COA1: variants seen among roughly 807,000 people sequenced by gnomAD.
COA1 encodes cytochrome c oxidase assembly factor 1.
COA1 carries 13 observed loss-of-function variants against 16.0 expected under a neutral mutation model. The observed-to-expected ratio is 0.81, with a 90% CI of 0.53 to 1.29. COA1 has a LOEUF of 1.29. Among genes scored for constraint, COA1 ranks in the 50% most tolerant of loss-of-function variants. The pLI is 0.00. For missense variants in COA1, 179 were observed against 177.0 expected (o/e 1.01, Z -0.06); for synonymous variants, 65 against 65.7 (o/e 0.99, Z 0.05).
chr7:43,688,683 C>T (rs933663401), intron 1 of COA1, among the ~76,000 whole-genome samples: 3 of 152,046 alleles, frequency 2.0e-5, no homozygotes, highest in Non-Finnish European at 2.9e-5. Flanking sequence ...AGTTTCATAA[C>T]GTCAGGGGCT....
intron 1 of COA1, among the ~76,000 whole-genome samples, chr7:43,710,394 A>ATTTT (rs1268788403): frequency 1.5e-5 from 2 of 135,384 alleles, no homozygotes; most frequent in African/African-American, 5.4e-5. Context: ...ATATATATAT[A>ATTTT]TTTTTAAGAT....
chr7:43,632,234 T>TC (rs1481866575), intron 6 of COA1: 2 of 165,892 alleles, frequency 1.2e-5, no homozygotes, highest in Non-Finnish European at 2.5e-5. Context: ...CCTTCTTTGC[T>TC]CGTCCATGAG....
At chr7:43,641,974 C>T (rs555594416) in intron 4 of COA1, 1 of 152,202 alleles carries the variant, frequency 6.6e-6, no homozygotes, top group East Asian at 1.9e-4. Flanking sequence ...AGATACCTCC[C>T]GGGGCAGGGG....
chr7:43,681,166 A>G (rs2093752806), intron 1 of COA1, among the ~76,000 whole-genome samples: 1 of 152,148 alleles, frequency 6.6e-6, no homozygotes, highest in Admixed American at 6.6e-5. Flanking sequence ...AATAAATACT[A>G]TAGGATTGAC....
At chr7:43,703,373 G>C (rs79397722) in intron 1 of COA1, among the ~76,000 whole-genome samples, 5,614 of 152,114 alleles carry the variant, frequency 0.037, 147 homozygotes, top group South Asian at 0.075. Flanking sequence ...GTCAAGTTTT[G>C]GTCCCAAATA....
chr7:43,685,833 A>G (rs1296707626), intron 1 of COA1, among the ~76,000 whole-genome samples: 5 of 152,220 alleles, frequency 3.3e-5, no homozygotes, highest in Non-Finnish European at 7.3e-5. Context: ...ATACCTCCCC[A>G]TTAAGAGTTC....
At chr7:43,631,759 CG>C (rs2085194897) in intron 6 of COA1, 1 of 152,158 alleles carries the variant, frequency 6.6e-6, no homozygotes, top group Non-Finnish European at 1.5e-5. Flanking sequence ...CTCAGAAATA[CG>C]CATCACTTTC....
In COA1 at chr7:43,664,128, A is replaced by AGAGAGAGAGAGAGAGAGAGAGAGAGG. The variant is rs963621045; in HGVS notation, c.-38-15477_-38-15476insCCTCTCTCTCTCTCTCTCTCTCTCTC. Among the ~76,000 whole-genome samples the AGAGAGAGAGAGAGAGAGAGAGAGAGG allele has an allele frequency of 7.4e-5, 11 of 148,046 alleles. 1 individual carries two copies. The East Asian group carries it at 2.1e-3, about 29-fold the overall frequency. Reference sequence around the variant, plus strand: ...AAGAGAGAGAGAGAGAGAGAGAGAGAGAGTCTTGCTATATTGCCCAGGCTG... The same window carrying AGAGAGAGAGAGAGAGAGAGAGAGAGG: ...AAGAGAGAGAGAGAGAGAGAGAGAGAGAGAGAGAGAGAGAGAGAGAGAGAGGGAGTCTTGCTATATTGCCCAGGCTG... On this transcript the variant is annotated intron_variant, in intron 1 of 5. Transcript: ENST00000223336.
exon 7 of COA1, chr7:43,609,457 G>A (rs1023501055): frequency 5.9e-5 from 9 of 152,252 alleles, no homozygotes; most frequent in Non-Finnish European, 1.2e-4. Flanking sequence ...TACGTGGACT[G>A]AGTGAAGAAG....
intron 1 of COA1, chr7:43,650,634 C>T (rs1318444849): frequency 1.3e-5 from 2 of 152,106 alleles, no homozygotes; most frequent in African/African-American, 2.4e-5. Context: ...TGGAAGACAA[C>T]AGCTGCTAAC....
chr7:43,641,277 G>A (rs1415064990), intron 4 of COA1, among the ~76,000 whole-genome samples: 7 of 142,798 alleles, frequency 4.9e-5, no homozygotes, highest in East Asian at 2.0e-4. Context: ...CAGATAGGAC[G>A]CTTGGATTTG....
At chr7:43,661,092 G>C (rs2092375627) in intron 1 of COA1, among the ~76,000 whole-genome samples, 1 of 152,148 alleles carries the variant, frequency 6.6e-6, no homozygotes, top group Non-Finnish European at 1.5e-5. Flanking sequence ...TGTTAGAAGA[G>C]GTCCTTGGCT....
rs952238634 is a variant in COA1, at chr7:43,672,453, A to G, written c.-38-23801T>C. On this transcript the variant is annotated intron_variant, in intron 1 of 5. Coordinates refer to ENST00000223336, the MANE Select transcript of COA1 (RefSeq NM_018224.4). ...ATCCCCAAACTCAAAGGCTTTCAAT[A>G]AAATTCAACATCCCTTCATATTAAA... Among the ~76,000 whole-genome samples, 5 of 152,310 alleles carry G rather than the reference A, an allele frequency of 3.3e-5. No individual in the cohort carries two copies. The East Asian group carries it at 9.6e-4, about 29-fold the overall frequency.
At chr7:43,650,316 G>C (rs2090488490) in intron 1 of COA1, 1 of 152,158 alleles carries the variant, frequency 6.6e-6, no homozygotes, top group African/African-American at 2.4e-5. Flanking sequence ...AAATACTTAG[G>C]ATGGGTCTTA....
rs1196489846 is a variant in COA1, at chr7:43,691,377, GAGGAAGGAAGGAAGGA to G, written c.-39+38036_-39+38051del. Among the ~76,000 whole-genome samples the G allele has an allele frequency of 2.9e-4, 9 of 30,840 alleles. No homozygotes were observed. The East Asian group carries it at 3.1e-3, about 11-fold the overall frequency. The allele number at this position is 30,840 out of a possible 152,430, so 20.2% of individuals were successfully genotyped here. A position where few individuals can be genotyped will look rare whatever the true frequency, so the allele number is the denominator to read the frequency against. On this transcript the variant is annotated intron_variant, in intron 1 of 5. Transcript: ENST00000223336. ...GGAGGGAGGGAGGGAGGGAGGGAGGGAGGAAGGAAGGAAGGAAGGAAGGAAGGAAGGAAGGAAGAAA... is the reference window on the plus strand; with the variant it reads ...GGAGGGAGGGAGGGAGGGAGGGAGGGAGGAAGGAAGGAAGGAAGGAAGAAA...
chr7:43,727,977 CTTT>C (rs201576823), intron 1 of COA1, among the ~76,000 whole-genome samples: 6 of 139,976 alleles, frequency 4.3e-5, no homozygotes, highest in African/African-American at 2.6e-5. Context: ...GGTTTTCTTT[CTTT>C]TTTTTTTTTT....
rs568490802 is a variant in COA1 at position 43,669,903 on chromosome 7, C to T, written c.-38-21251G>A. Among the ~76,000 whole-genome samples, 94 of 152,136 alleles carry T rather than the reference C, an allele frequency of 6.2e-4. 2 individuals are homozygous for T. In the South Asian group the frequency reaches 0.019, roughly 31 times the overall value. On this transcript the variant is annotated intron_variant, in intron 1 of 5. Coordinates refer to ENST00000223336, the MANE Select transcript of COA1 (RefSeq NM_018224.4). ...CAGATGAGAGAGGTGCTCAGTGACT[C>T]ATTATGGACAGAATGAGGGCTGAAA... is the stretch of plus-strand genomic sequence containing the variant.
At chr7:43,612,979 G>A (rs1583619186) in intron 6 of COA1, among the ~76,000 whole-genome samples, 1 of 152,254 alleles carries the variant, frequency 6.6e-6, no homozygotes, top group African/African-American at 2.4e-5. Flanking sequence ...GGCAAAGTCA[G>A]AACAAAACCA....
intron 1 of COA1, among the ~76,000 whole-genome samples, chr7:43,710,197 A>T (rs2095171568): frequency 6.6e-6 from 1 of 151,112 alleles, no homozygotes; most frequent in African/African-American, 2.4e-5. Context: ...TAAAAATACA[A>T]AAATCAGCCA....
Sources: gnomAD v4.1 joint callset for allele counts (sites outside exome capture counted in the v4.1 genomes callset) on GRCh38, gnomAD v4.1.1 for gene constraint, MANE v1.5 for transcripts, NCBI Gene and HGNC (gene_info 2026-07-23, HGNC 2026-07-21) for gene names.